The following NCKAP5 variants were observed in gnomAD, a reference collection of about 807,000 sequenced individuals.
NCKAP5 encodes the protein nck-associated protein 5.
NCKAP5 carries 92 observed loss-of-function variants against 167.0 expected under a neutral mutation model. That is an observed-to-expected ratio of 0.55 (90% CI 0.47 to 0.66). NCKAP5 has a LOEUF of 0.66. NCKAP5 is among the 30% of genes least tolerant of loss of function. The probability of loss-of-function intolerance (pLI) is 0.00; values close to 1 mark genes in which losing one functional copy is unlikely to be tolerated. For missense variants in NCKAP5, 2,378 were observed against 2,315.0 expected, an observed-to-expected ratio of 1.03 and a Z score of -0.56; for synonymous variants, 891 against 877.4, an observed-to-expected ratio of 1.02 and a Z score of -0.27.
Position 132,782,553 on chromosome 2 carries a change from C to G in NCKAP5, c.4258G>C (p.Asp1420His). The G allele has an allele frequency of 6.3e-7, 1 of 1,588,262 alleles. No homozygotes were observed. The highest frequency in any genetic ancestry group is 8.6e-7 in the Non-Finnish European group (1 of 1,167,554). Residue 1420 changes from aspartate to histidine, a missense_variant, in exon 14 of 20, where the codon GAC becomes CAC. By Grantham distance (81) the Asp-to-His change is moderately conservative (BLOSUM62 -1). Coordinates refer to ENST00000409261, the MANE Select transcript of NCKAP5 (RefSeq NM_207363.3). The stretch of plus-strand genomic sequence containing the variant: ...GGGCTCTGCAGGGCTTCAGGGCAGT[C>G]TGTTGGGGTGGGTGGGCAACTGCGG... ...DRRSCPPTPTDCPEALQSPGR... is the reference protein window; with the variant it reads ...DRRSCPPTPTHCPEALQSPGR...
intron 3 of NCKAP5, among the ~76,000 whole-genome samples, chr2:133,354,401 A>G (rs1230907155): frequency 6.6e-6 from 1 of 151,710 alleles, no homozygotes; most frequent in African/African-American, 2.4e-5. Flanking sequence ...GGCAACAGGC[A>G]TGCACCACCA....
intron 11 of NCKAP5, among the ~76,000 whole-genome samples, chr2:132,847,698 C>T (rs184245478): frequency 2.8e-4 from 43 of 152,144 alleles, no homozygotes; most frequent in Middle Eastern, 6.8e-3. Context: ...CATCACCAGT[C>T]AAAAAATCAA....
At chr2:132,927,669 T>C (rs1180661514) in intron 8 of NCKAP5, among the ~76,000 whole-genome samples, 1 of 152,142 alleles carries the variant, frequency 6.6e-6, no homozygotes, top group African/African-American at 2.4e-5. Context: ...GATTTGGTTC[T>C]CAGCTTGTTA....
intron 3 of NCKAP5, among the ~76,000 whole-genome samples, chr2:133,436,049 T>TGCCC: frequency 6.6e-6 from 1 of 152,350 alleles, no homozygotes; most frequent in East Asian, 1.9e-4. Flanking sequence ...TGACAGCTCA[T>TGCCC]GCCCCTCCAT....
At chr2:132,793,586 C>T (rs1388593458) in intron 12 of NCKAP5, among the ~76,000 whole-genome samples, 1 of 152,194 alleles carries the variant, frequency 6.6e-6, no homozygotes, top group Non-Finnish European at 1.5e-5. Flanking sequence ...CGCAGCAAGC[C>T]TCTAGGAGAA....
intron 4 of NCKAP5, among the ~76,000 whole-genome samples, chr2:133,271,145 G>A (rs1033390908): frequency 6.6e-6 from 1 of 150,714 alleles, no homozygotes; most frequent in Non-Finnish European, 1.5e-5. Flanking sequence ...TGTTAGCCAG[G>A]ATGGTCTTGA....
chr2:133,100,366 A>G (rs1299339708), intron 6 of NCKAP5, among the ~76,000 whole-genome samples: 2 of 152,234 alleles, frequency 1.3e-5, no homozygotes, highest in Non-Finnish European at 2.9e-5. Context: ...TATTTTATGT[A>G]CATTATTTTA....
At chr2:133,171,893 G>T (rs2084264231) in intron 5 of NCKAP5, among the ~76,000 whole-genome samples, 1 of 152,206 alleles carries the variant, frequency 6.6e-6, no homozygotes, top group South Asian at 2.1e-4. Context: ...AGGGAATGGA[G>T]AACTAATGCT....
intron 3 of NCKAP5, among the ~76,000 whole-genome samples, chr2:133,352,622 G>GTA (rs1295223901): frequency 4.3e-4 from 65 of 152,192 alleles, no homozygotes; most frequent in African/African-American, 1.5e-3. Flanking sequence ...CTTGCTGAGT[G>GTA]GCTGAGTGTA....
Position 133,218,660 on chromosome 2 carries a change from A to T in NCKAP5, c.144-4881T>A, listed in dbSNP as rs1036825273. ...AGCTTCAGAGAAAGGTTTAATATAT[A>T]TGTTAATGGTATGTTAATTTCTCAC... On this transcript the variant is annotated intron_variant, in intron 4 of 19. Transcript: ENST00000409261. Among the ~76,000 whole-genome samples the T allele has an allele frequency of 3.3e-5, 5 of 152,168 alleles. No individual in the cohort carries two copies. In the East Asian group the frequency reaches 7.7e-4, roughly 23 times the overall value.
intron 11 of NCKAP5, among the ~76,000 whole-genome samples, chr2:132,829,154 A>G (rs1687342138): frequency 6.6e-6 from 1 of 152,348 alleles, no homozygotes; most frequent in East Asian, 1.9e-4. Flanking sequence ...TATTAGTAAT[A>G]ATGAGTATAA....
chr2:132,781,307 T>C, intron 14 of NCKAP5, 78 bp from the exon 15 acceptor site: 1 of 1,371,162 alleles, frequency 7.3e-7, no homozygotes, highest in Non-Finnish European at 9.8e-7. Flanking sequence ...ATCTTTTTAA[T>C]ATTTAAAGTA....
At chr2:133,625,724 A>T in the NCKAP5 span, among the ~76,000 whole-genome samples, 14 of 152,168 alleles carry the variant, frequency 9.2e-5, no homozygotes, top group East Asian at 2.7e-3. Context: ...CAAAAAAATT[A>T]GCCGGGCGTA....
At chr2:133,212,160 G>A (rs569583159) in intron 5 of NCKAP5, among the ~76,000 whole-genome samples, 13 of 152,304 alleles carry the variant, frequency 8.5e-5, no homozygotes, top group African/African-American at 2.6e-4. Flanking sequence ...CGAAAGTTAA[G>A]TTACTTCCTC....
chr2:133,247,709 C>T (rs921407362), intron 4 of NCKAP5, among the ~76,000 whole-genome samples: 2 of 152,118 alleles, frequency 1.3e-5, no homozygotes, highest in Non-Finnish European at 2.9e-5. Context: ...CCTGGCAACC[C>T]GGAAGTAGGC....
chr2:133,386,604 A>T (rs908979700), intron 3 of NCKAP5, among the ~76,000 whole-genome samples: 2 of 152,060 alleles, frequency 1.3e-5, no homozygotes, highest in African/African-American at 4.8e-5. Context: ...GGATATCCTT[A>T]TTAACTTTCT....
At chr2:133,506,514 C>G (rs1445643656) in intron 3 of NCKAP5, among the ~76,000 whole-genome samples, 1 of 152,138 alleles carries the variant, frequency 6.6e-6, no homozygotes, top group Non-Finnish European at 1.5e-5. Context: ...CAACAGGGGA[C>G]AAGACAGTGT....
At chr2:133,306,276 C>A (rs548053333) in intron 3 of NCKAP5, among the ~76,000 whole-genome samples, 1 of 152,280 alleles carries the variant, frequency 6.6e-6, no homozygotes, top group South Asian at 2.1e-4. Flanking sequence ...CTTCAGTATC[C>A]CAGCATGCCT....
At chr2:133,266,662 G>T (rs1435831083) in intron 4 of NCKAP5, among the ~76,000 whole-genome samples, 2 of 152,274 alleles carry the variant, frequency 1.3e-5, no homozygotes, top group Non-Finnish European at 2.9e-5. Context: ...CCAGAGCGCG[G>T]AGGCAGCCTG....
Sources: gnomAD v4.1 joint callset for allele counts (sites outside exome capture counted in the v4.1 genomes callset) on GRCh38, gnomAD v4.1.1 for gene constraint, MANE v1.5 for transcripts, NCBI Gene and HGNC (gene_info 2026-07-23, HGNC 2026-07-21) for gene names.